Variants in SHISA9 observed in about 807,000 individuals in gnomAD.
The protein encoded by SHISA9 is shisa family member 9, also known as protein shisa-9.
In SHISA9, 13 loss-of-function variants were observed where a neutral mutation model predicts 38.0. The observed-to-expected ratio is 0.34, with a 90% CI of 0.22 to 0.54. SHISA9 has a LOEUF of 0.54. Among genes scored for constraint, SHISA9 ranks in the 20% least tolerant of loss-of-function variants. The pLI is 0.91. For missense variants in SHISA9, 538 were observed against 575.8 expected, an observed-to-expected ratio of 0.93 and a Z score of 0.67; for synonymous variants, 275 against 242.0, an observed-to-expected ratio of 1.14 and a Z score of -1.27.
the SHISA9 span, among the ~76,000 whole-genome samples, chr16:13,334,589 A>G: frequency 6.6e-6 from 1 of 152,118 alleles, no homozygotes; most frequent in South Asian, 2.1e-4. Context: ...CCTGGCTAAC[A>G]TGGTGAAACC....
the SHISA9 span, among the ~76,000 whole-genome samples, chr16:13,434,848 G>A: frequency 1.3e-5 from 2 of 152,106 alleles, no homozygotes; most frequent in African/African-American, 4.8e-5. Context: ...TAAGCAAGTC[G>A]GTAGCATTCA....
At chr16:13,305,689 G>T in the SHISA9 span, among the ~76,000 whole-genome samples, 37 of 152,304 alleles carry the variant, frequency 2.4e-4, no homozygotes, top group African/African-American at 8.7e-4. Flanking sequence ...TGAATCTTGA[G>T]ATGAAGACCG....
the SHISA9 span, among the ~76,000 whole-genome samples, chr16:13,310,826 G>C: frequency 6.6e-6 from 1 of 151,814 alleles, no homozygotes; most frequent in African/African-American, 2.4e-5. Context: ...TGGGACTACA[G>C]GGGCCTGCCA....
intron 1 of SHISA9, among the ~76,000 whole-genome samples, chr16:12,914,153 G>C (rs34667292): frequency 0.29 from 43,178 of 147,372 alleles, 6,529 homozygotes; most frequent in Non-Finnish European, 0.31. Flanking sequence ...TCAAGCAATT[G>C]TCCTGCCTCA....
At chr16:12,995,611 T>G (rs2072448493) in intron 2 of SHISA9, among the ~76,000 whole-genome samples, 1 of 152,210 alleles carries the variant, frequency 6.6e-6, no homozygotes, top group Non-Finnish European at 1.5e-5. Flanking sequence ...GTGCTCGGAT[T>G]CTGAATTTCC....
the SHISA9 span, among the ~76,000 whole-genome samples, chr16:13,356,388 G>A: frequency 1.3e-5 from 2 of 152,128 alleles, no homozygotes; most frequent in Non-Finnish European, 2.9e-5. Flanking sequence ...TGATGAAAAA[G>A]AGCCTAAACG....
intron 2 of SHISA9, among the ~76,000 whole-genome samples, chr16:13,125,452 A>G (rs2050248234): frequency 6.6e-6 from 1 of 152,108 alleles, no homozygotes; most frequent in East Asian, 1.9e-4. Flanking sequence ...TTGAGTCTCT[A>G]CTTCTTTCCT....
intron 2 of SHISA9, among the ~76,000 whole-genome samples, chr16:12,969,352 T>TC (rs1019157120): frequency 2.0e-5 from 3 of 151,542 alleles, no homozygotes; most frequent in African/African-American, 7.3e-5. Context: ...AGATGATTTT[T>TC]TTTTTTTTTT....
chr16:13,159,067 A>C (rs1335206174), intron 2 of SHISA9, among the ~76,000 whole-genome samples: 1 of 151,246 alleles, frequency 6.6e-6, no homozygotes, highest in African/African-American at 2.4e-5. Context: ...TCAAAAAAAA[A>C]AAAAACAAAA....
chr16:13,439,987 G>C, the SHISA9 span, among the ~76,000 whole-genome samples: 4 of 152,226 alleles, frequency 2.6e-5, no homozygotes, highest in African/African-American at 9.6e-5. Flanking sequence ...TTAAGGAACT[G>C]AGTTAATACT....
chr16:13,262,127 C>G, the SHISA9 span, among the ~76,000 whole-genome samples: 1 of 152,222 alleles, frequency 6.6e-6, no homozygotes, highest in East Asian at 1.9e-4. Flanking sequence ...AACATCTCCA[C>G]TATCCTCAAA....
At chr16:13,131,444 C>A (rs1287798748) in intron 2 of SHISA9, among the ~76,000 whole-genome samples, 1 of 151,896 alleles carries the variant, frequency 6.6e-6, no homozygotes, top group Non-Finnish European at 1.5e-5. Context: ...CAGGGGTGGA[C>A]AACACACACT....
At chr16:13,037,122 AC>A (rs2073082729) in intron 2 of SHISA9, among the ~76,000 whole-genome samples, 1 of 145,758 alleles carries the variant, frequency 6.9e-6, no homozygotes, top group African/African-American at 2.5e-5. Context: ...ACACACACAC[AC>A]ACACACACAC....
At chr16:13,181,306 TATATATACACAC>T (rs1379000328) in intron 2 of SHISA9, among the ~76,000 whole-genome samples, 20 of 39,122 alleles carry the variant, frequency 5.1e-4, no homozygotes, top group East Asian at 2.5e-3. Context: ...TATATATATA[TATATATACACAC>T]ACACACACAC....
the SHISA9 span, among the ~76,000 whole-genome samples, chr16:13,559,631 C>T: frequency 3.9e-5 from 6 of 152,162 alleles, no homozygotes; most frequent in Non-Finnish European, 8.8e-5. Flanking sequence ...AAACCTCCCA[C>T]CTCGGCCTCC....
intron 2 of SHISA9, among the ~76,000 whole-genome samples, chr16:13,027,021 T>A (rs1231407611): frequency 6.6e-6 from 1 of 152,202 alleles, no homozygotes; most frequent in African/African-American, 2.4e-5. Context: ...GAAAGAGACC[T>A]GGAGCTTGTT....
intron 2 of SHISA9, among the ~76,000 whole-genome samples, chr16:13,172,349 G>C (rs565323555): frequency 6.6e-6 from 1 of 152,336 alleles, no homozygotes; most frequent in East Asian, 1.9e-4. Context: ...AAGTGCACAA[G>C]AAGTCCTTAA....
intron 2 of SHISA9, among the ~76,000 whole-genome samples, chr16:13,008,789 G>C (rs1373625777): frequency 6.6e-6 from 1 of 151,866 alleles, no homozygotes; most frequent in Non-Finnish European, 1.5e-5. Context: ...AGAACTGTGA[G>C]TCAATTAAAC....
chr16:13,321,460 A>G, the SHISA9 span, among the ~76,000 whole-genome samples: 1 of 152,216 alleles, frequency 6.6e-6, no homozygotes, highest in Non-Finnish European at 1.5e-5. Context: ...TCTGCTGTCC[A>G]GAAGTCATCT....
Sources: gnomAD v4.1 joint callset for allele counts (sites outside exome capture counted in the v4.1 genomes callset) on GRCh38, gnomAD v4.1.1 for gene constraint, MANE v1.5 for transcripts, NCBI Gene and HGNC (gene_info 2026-07-23, HGNC 2026-07-21) for gene names.